Variants in TMEM117 observed in about 807,000 individuals in gnomAD.
The protein encoded by TMEM117 is transmembrane protein 117.
A neutral mutation model predicts 52.4 loss-of-function variants in TMEM117; 27 were observed. The observed-to-expected ratio is 0.51, with a 90% CI of 0.38 to 0.71. The LOEUF is 0.71. Among genes scored for constraint, TMEM117 ranks in the 30% least tolerant of loss-of-function variants. TMEM117 has a pLI of 0.00. For missense variants in TMEM117, 556 were observed against 630.5 expected, an observed-to-expected ratio of 0.88 and a Z score of 1.26; for synonymous variants, 215 against 206.3, an observed-to-expected ratio of 1.04 and a Z score of -0.36.
At chr12:44,289,045 G>A (rs541218069) in intron 5 of TMEM117, among the ~76,000 whole-genome samples, 2 of 152,098 alleles carry the variant, frequency 1.3e-5, no homozygotes, top group East Asian at 1.9e-4. Context: ...CCTGATATCT[G>A]TTCTTCTACT....
chr12:44,198,803 C>T (rs1213746732), intron 4 of TMEM117, among the ~76,000 whole-genome samples: 1 of 151,936 alleles, frequency 6.6e-6, no homozygotes, highest in Non-Finnish European at 1.5e-5. Flanking sequence ...AAGGAAGGGG[C>T]ACCATAGTTT....
chr12:44,105,705 G>A (rs965064630), intron 3 of TMEM117, among the ~76,000 whole-genome samples: 6 of 152,010 alleles, frequency 3.9e-5, no homozygotes, highest in Admixed American at 3.3e-4. Flanking sequence ...CCCTGGGTGG[G>A]ACAGGATGGG....
At position 44,055,971 on chromosome 12, in the gene TMEM117, A is replaced by G. The variant is rs950218231; in HGVS notation, c.411-87554A>G. Among the ~76,000 whole-genome samples the G allele has an allele frequency of 3.9e-5, 6 of 152,318 alleles. No individual in the cohort carries two copies. In the South Asian group the frequency reaches 1.0e-3, roughly 26 times the overall value. The stretch of plus-strand genomic sequence containing the variant: ...CTTTTAAACACTCAGCATAATTGTT[A>G]TATCTAAGTTTGTAGCAGTTATAAT... On this transcript the variant is annotated intron_variant, in intron 3 of 7. Transcript: ENST00000266534.
intron 5 of TMEM117, among the ~76,000 whole-genome samples, chr12:44,297,470 A>C (rs1356282877): frequency 6.6e-6 from 1 of 152,164 alleles, no homozygotes; most frequent in Non-Finnish European, 1.5e-5. Flanking sequence ...CAGGGAGGTG[A>C]GAGGCTCTGT....
intron 6 of TMEM117, among the ~76,000 whole-genome samples, chr12:44,348,867 G>A (rs924143368): frequency 1.3e-5 from 2 of 151,834 alleles, no homozygotes; most frequent in African/African-American, 2.4e-5. Context: ...TTCTTAACAG[G>A]TCTTATTCTT....
intron 3 of TMEM117, among the ~76,000 whole-genome samples, chr12:44,067,885 T>A (rs922308568): frequency 5.9e-5 from 9 of 152,352 alleles, no homozygotes; most frequent in African/African-American, 2.2e-4. Context: ...AGACGGCATC[T>A]TCTTCCAATA....
At chr12:44,174,354 G>T (rs1949089791) in intron 4 of TMEM117, among the ~76,000 whole-genome samples, 1 of 152,156 alleles carries the variant, frequency 6.6e-6, no homozygotes, top group African/African-American at 2.4e-5. Context: ...CAGTTTAGAA[G>T]TTATGACAGA....
intron 4 of TMEM117, among the ~76,000 whole-genome samples, chr12:44,151,721 T>C (rs1186323051): frequency 1.3e-5 from 2 of 150,274 alleles, no homozygotes; most frequent in Non-Finnish European, 3.0e-5. Flanking sequence ...AAAGAAGCTA[T>C]GTGCTTTTTT....
At chr12:44,021,289 T>G (rs1803087127) in intron 3 of TMEM117, among the ~76,000 whole-genome samples, 1 of 152,136 alleles carries the variant, frequency 6.6e-6, no homozygotes, top group Non-Finnish European at 1.5e-5. Context: ...AGAACCTAGT[T>G]AGTGTCTGCT....
chr12:43,895,731 G>A (rs1944189542), intron 2 of TMEM117, among the ~76,000 whole-genome samples: 1 of 152,096 alleles, frequency 6.6e-6, no homozygotes, highest in Non-Finnish European at 1.5e-5. Context: ...TTGTTTCCAG[G>A]GCAGTGATAT....
At chr12:44,042,681 G>C (rs539601948) in intron 3 of TMEM117, among the ~76,000 whole-genome samples, 5 of 151,080 alleles carry the variant, frequency 3.3e-5, no homozygotes, top group African/African-American at 1.2e-4. Flanking sequence ...TTTGGGACTC[G>C]GACTGGCTCT....
intron 3 of TMEM117, among the ~76,000 whole-genome samples, chr12:44,140,866 A>C (rs534944682): frequency 1.3e-5 from 2 of 151,948 alleles, no homozygotes; most frequent in Non-Finnish European, 2.9e-5. Flanking sequence ...CTCTTTAGAG[A>C]TTTTACTTAG....
intron 4 of TMEM117, among the ~76,000 whole-genome samples, chr12:44,161,390 T>G (rs1849293335): frequency 6.6e-6 from 1 of 152,170 alleles, no homozygotes. Flanking sequence ...TAAAGTGAAC[T>G]GATCCCTACA....
intron 5 of TMEM117, among the ~76,000 whole-genome samples, chr12:44,291,577 C>G (rs952779030): frequency 2.0e-5 from 3 of 151,804 alleles, no homozygotes; most frequent in Non-Finnish European, 2.9e-5. Flanking sequence ...TGTTCCTGAT[C>G]TTAAAGTAAA....
At chr12:44,292,110 G>A (rs1166627389) in intron 5 of TMEM117, among the ~76,000 whole-genome samples, 2 of 151,884 alleles carry the variant, frequency 1.3e-5, no homozygotes, top group Non-Finnish European at 2.9e-5. Flanking sequence ...GAAGCTATCA[G>A]GTTTTAGGCT....
chr12:44,397,667 A>G, the TMEM117 span, among the ~76,000 whole-genome samples: 1 of 152,230 alleles, frequency 6.6e-6, no homozygotes, highest in Non-Finnish European at 1.5e-5. Context: ...TAGTTCTTGT[A>G]ATCAATTGCT....
intron 3 of TMEM117, among the ~76,000 whole-genome samples, chr12:43,962,219 T>C (rs964798167): frequency 1.3e-5 from 2 of 152,202 alleles, no homozygotes; most frequent in African/African-American, 4.8e-5. Flanking sequence ...GCCTGTGCTT[T>C]CTTAAGAAGA....
chr12:44,229,967 T>A (rs1348508909), intron 5 of TMEM117, among the ~76,000 whole-genome samples: 1 of 152,172 alleles, frequency 6.6e-6, no homozygotes, highest in Non-Finnish European at 1.5e-5. Context: ...TTCAGTTTTG[T>A]GAGCTCTGCA....
At chr12:44,038,200 A>G (rs1946740671) in intron 3 of TMEM117, among the ~76,000 whole-genome samples, 1 of 152,162 alleles carries the variant, frequency 6.6e-6, no homozygotes. Context: ...GCCTTGTTGC[A>G]GGTGACAAGA....
Sources: allele counts gnomAD v4.1 joint callset (sites outside exome capture counted in the v4.1 genomes callset), GRCh38; gene constraint gnomAD v4.1.1; transcripts MANE v1.5; gene names NCBI Gene and HGNC (gene_info 2026-07-23, HGNC 2026-07-21).